The following PTPRM variants were observed in gnomAD, a reference collection of about 807,000 sequenced individuals.
PTPRM encodes the protein protein tyrosine phosphatase receptor type M, also known as receptor-type tyrosine-protein phosphatase mu.
In PTPRM, 47 loss-of-function variants were observed where a neutral mutation model predicts 186.7. That is an observed-to-expected ratio of 0.25 (90% CI 0.20 to 0.32). The LOEUF (loss-of-function observed/expected upper bound fraction) is 0.32. Ranked by LOEUF, PTPRM falls within the 10% of genes least tolerant of loss-of-function variation. The pLI is 1.00. For synonymous variants in PTPRM, 668 were observed against 674.9 expected, an observed-to-expected ratio of 0.99 and a Z score of 0.16; for missense variants, 1,494 against 1,865.0, an observed-to-expected ratio of 0.80 and a Z score of 3.66.
At chr18:8,384,459 T>G (rs1040460025) in intron 29 of PTPRM, 102 bp from the exon 30 acceptor site, 13 of 1,323,822 alleles carry the variant, frequency 9.8e-6, no homozygotes, top group African/African-American at 1.5e-5. Context: ...CCCTATCTCT[T>G]AAAAAAAAAG....
At chr18:8,054,904 T>C (rs754381423) in intron 7 of PTPRM, among the ~76,000 whole-genome samples, 1 of 152,144 alleles carries the variant, frequency 6.6e-6, no homozygotes, top group African/African-American at 2.4e-5. Context: ...ACGTATATAG[T>C]TCTAAGTTGA....
intron 7 of PTPRM, chr18:8,017,855 C>T (rs1020646057): frequency 1.4e-4 from 21 of 152,066 alleles, no homozygotes; most frequent in African/African-American, 4.1e-4. Context: ...AAACCTGGGA[C>T]GTAAATAGGG....
At chr18:7,826,213 T>C (rs1009112359) in intron 2 of PTPRM, among the ~76,000 whole-genome samples, 2 of 152,268 alleles carry the variant, frequency 1.3e-5, no homozygotes, top group East Asian at 3.8e-4. Context: ...ACTTCTGTCC[T>C]AGCACATCTT....
At chr18:8,298,408 G>C (rs972994648) in intron 20 of PTPRM, among the ~76,000 whole-genome samples, 3 of 152,282 alleles carry the variant, frequency 2.0e-5, no homozygotes, top group African/African-American at 2.4e-5. Context: ...ATGTGGCCTC[G>C]TGCTGAGCAT....
At chr18:7,856,674 G>A (rs1206141114) in intron 2 of PTPRM, among the ~76,000 whole-genome samples, 1 of 151,144 alleles carries the variant, frequency 6.6e-6, no homozygotes, top group Non-Finnish European at 1.5e-5. Flanking sequence ...AGCCCAGGAG[G>A]TCTAGGCTGT....
At chr18:8,127,355 A>T (rs1048270471) in intron 13 of PTPRM, among the ~76,000 whole-genome samples, 4 of 151,002 alleles carry the variant, frequency 2.6e-5, no homozygotes, top group African/African-American at 9.7e-5. Flanking sequence ...TATATCTTTA[A>T]ACTTTCCTCA....
intron 2 of PTPRM, among the ~76,000 whole-genome samples, chr18:7,867,830 A>G (rs932232968): frequency 6.6e-6 from 1 of 152,150 alleles, no homozygotes; most frequent in Non-Finnish European, 1.5e-5. Flanking sequence ...TTTCAGGTAC[A>G]CCAATCAAGC....
At chr18:8,013,566 G>A (rs912545518) in intron 7 of PTPRM, among the ~76,000 whole-genome samples, 1 of 152,122 alleles carries the variant, frequency 6.6e-6, no homozygotes, top group East Asian at 1.9e-4. Flanking sequence ...GGAGTGAGTG[G>A]GAAGTTGGTT....
At chr18:7,588,483 TCTAA>T (rs2037038945) in intron 1 of PTPRM, among the ~76,000 whole-genome samples, 2 of 152,208 alleles carry the variant, frequency 1.3e-5, no homozygotes, top group Admixed American at 6.5e-5. Context: ...GCACACCGAA[TCTAA>T]CTAAATCTCA....
At chr18:7,674,657 G>A (rs2039294742) in intron 1 of PTPRM, among the ~76,000 whole-genome samples, 1 of 152,206 alleles carries the variant, frequency 6.6e-6, no homozygotes. Flanking sequence ...AGAGTGGGCA[G>A]CCCATAATGT....
rs546191176 is a variant in PTPRM at position 8,324,268 on chromosome 18, A to AG, written c.2956+5055dup. Among the ~76,000 whole-genome samples, 511 of 152,258 alleles carry AG rather than the reference A, an allele frequency of 3.4e-3. 4 individuals carry two copies. The highest frequency in any genetic ancestry group is 0.012 in the African/African-American group (485 of 41,540). Reference sequence around the variant, plus strand: ...GCCTAACCCTGTAGTAAAATACCCTAGAGTATTGTTATAATCGTTAGTATT... The same window carrying AG: ...GCCTAACCCTGTAGTAAAATACCCTAGGAGTATTGTTATAATCGTTAGTATT... On this transcript the variant is annotated intron_variant, in intron 22 of 32. Coordinates refer to ENST00000580170, the MANE Select transcript of PTPRM (RefSeq NM_001105244.2).
intron 1 of PTPRM, among the ~76,000 whole-genome samples, chr18:7,652,107 C>G (rs2038722864): frequency 6.6e-6 from 1 of 152,166 alleles, no homozygotes; most frequent in African/African-American, 2.4e-5. Context: ...TGGACACACT[C>G]TTCTCAAAAG....
chr18:8,175,892 G>GA (rs1277203305), intron 14 of PTPRM, among the ~76,000 whole-genome samples: 2 of 152,188 alleles, frequency 1.3e-5, no homozygotes, highest in African/African-American at 4.8e-5. Context: ...ATTTATTTAT[G>GA]AACTGTCTGC....
intron 9 of PTPRM, among the ~76,000 whole-genome samples, chr18:8,083,605 T>C (rs891754907): frequency 3.9e-5 from 6 of 152,168 alleles, no homozygotes; most frequent in African/African-American, 1.2e-4. Context: ...TTCATTTACT[T>C]ACTGTATGCC....
At chr18:8,302,348 AAAGG>A (rs1198208169) in intron 20 of PTPRM, among the ~76,000 whole-genome samples, 2 of 152,070 alleles carry the variant, frequency 1.3e-5, no homozygotes, top group Non-Finnish European at 2.9e-5. Flanking sequence ...CTGAAGAACT[AAAGG>A]AAGGCTGGGT....
At chr18:7,585,445 C>T (rs968001056) in intron 1 of PTPRM, among the ~76,000 whole-genome samples, 2 of 152,108 alleles carry the variant, frequency 1.3e-5, no homozygotes, top group African/African-American at 4.8e-5. Flanking sequence ...GCAGTCTTCC[C>T]TTCTGTCCCA....
intron 26 of PTPRM, chr18:8,376,831 GCA>G (rs1419494582): frequency 1.0e-5 from 5 of 484,072 alleles, no homozygotes; most frequent in Non-Finnish European, 1.7e-5. Flanking sequence ...GCCCAAATTT[GCA>G]CACTTTTCTG....
At chr18:8,266,587 A>G (rs2094703664) in intron 19 of PTPRM, among the ~76,000 whole-genome samples, 2 of 152,214 alleles carry the variant, frequency 1.3e-5, no homozygotes, top group South Asian at 4.1e-4. Context: ...CTCTTCTGAA[A>G]TAAAGTACTT....
At chr18:8,269,129 G>T (rs2094738833) in intron 19 of PTPRM, among the ~76,000 whole-genome samples, 1 of 151,950 alleles carries the variant, frequency 6.6e-6, no homozygotes, top group Non-Finnish European at 1.5e-5. Flanking sequence ...AATTGTCTCT[G>T]TTTATATGTA....
Sources: allele counts gnomAD v4.1 joint callset (sites outside exome capture counted in the v4.1 genomes callset), GRCh38; gene constraint gnomAD v4.1.1; transcripts MANE v1.5; gene names NCBI Gene and HGNC (gene_info 2026-07-23, HGNC 2026-07-21).